ZNF875: variants seen among roughly 807,000 people sequenced by gnomAD.
ZNF875 encodes HKR1, GLI-Kruppel zinc finger family member.
ZNF875 carries 14 observed loss-of-function variants against 11.2 expected under a neutral mutation model. That is an observed-to-expected ratio of 1.26 (90% CI 0.83 to 1.96). The LOEUF is 1.96. ZNF875 is among the 30% of genes most tolerant of loss of function. The pLI is 0.00. For synonymous variants in ZNF875, 301 were observed against 281.1 expected, an observed-to-expected ratio of 1.07 and a Z score of -0.71; for missense variants, 752 against 760.4, an observed-to-expected ratio of 0.99 and a Z score of 0.13.
At chr19:37,325,460 TTAA>T (rs1910880954) in intron 4 of ZNF875, among the ~76,000 whole-genome samples, 1 of 152,232 alleles carries the variant, frequency 6.6e-6, no homozygotes, top group Non-Finnish European at 1.5e-5. Flanking sequence ...ACAGGTGAAA[TTAA>T]TGTTTTATTT....
chr19:37,363,646 C>G lies in ZNF875; in HGVS notation c.1794C>G (p.Ser598Arg). ...GCAGGGAGTGTGGGCAAGGCTTTAG[C>G]CGGCAGTCACACCTCATTAGACACC... Reference protein sequence around the residue: ...HVCRECGQGFSRQSHLIRHQR... With the variant: ...HVCRECGQGFRRQSHLIRHQR... The change falls in exon 5 of 5, where the codon AGC becomes AGG. Residue 598 changes from serine (S) to arginine (R), a missense_variant. Transcript: ENST00000392153. The G allele has an allele frequency of 6.2e-7, 1 of 1,613,436 alleles. No individual in the cohort carries two copies. The highest frequency in any genetic ancestry group is 8.5e-7 in the Non-Finnish European group (1 of 1,179,638).
upstream of ZNF875, chr19:37,334,490 A>C (rs1393702690): frequency 3.1e-6 from 1 of 319,244 alleles, no homozygotes; most frequent in Non-Finnish European, 6.3e-6. Context: ...TGGGTTCGTA[A>C]ACTTGGTTGT....
chr19:37,356,986 T>G (rs2039019598), intron 4 of ZNF875, among the ~76,000 whole-genome samples: 1 of 152,202 alleles, frequency 6.6e-6, no homozygotes, highest in Non-Finnish European at 1.5e-5. Flanking sequence ...TCATCCATCT[T>G]GAGTTGATTT....
rs151159394 is a variant in ZNF875 at position 37,363,670 on chromosome 19, C to G, written c.1818C>G (p.His606Gln). 2 of 1,613,520 alleles carry G rather than the reference C, an allele frequency of 1.2e-6. No individual in the cohort carries two copies. Among genetic ancestry groups the G allele is most frequent in the African/African-American group, 2.7e-5 (2 of 75,048 alleles). Residue 606 changes from histidine to glutamine, a missense_variant, in exon 5 of 5, where the codon CAC becomes CAG. Transcript: ENST00000392153. ...GCCGGCAGTCACACCTCATTAGACACCAGAGGACACATTCAGGAGAGAAGC... is the reference window on the plus strand; with the variant it reads ...GCCGGCAGTCACACCTCATTAGACAGCAGAGGACACATTCAGGAGAGAAGC... ...GFSRQSHLIR[H>Q]QRTHSGEKPY...
chr19:37,338,663 T>G (rs2035029845), intron 2 of ZNF875, among the ~76,000 whole-genome samples: 1 of 152,248 alleles, frequency 6.6e-6, no homozygotes, highest in Admixed American at 6.5e-5. Flanking sequence ...TTGTTTAAGA[T>G]GAAACCTCTG....
rs533688979 is a variant in ZNF875 at position 37,340,463 on chromosome 19, C to T, written c.33+5206C>T. On this transcript the variant is annotated intron_variant, in intron 2 of 4. Transcript: ENST00000392153. ...ACCCACTACATGTTTCTGTAATCCT[C>T]GTTTTCCCCAACATTGCAGTAACAT... is the stretch of plus-strand genomic sequence containing the variant. 4.0e-4 allele frequency among the ~76,000 whole-genome samples: 61 copies of T among 152,182 alleles called. 1 individual carries two copies. The highest frequency in any genetic ancestry group is 1.4e-3 in the African/African-American group (60 of 41,512).
chr19:37,344,881 AG>A, intron 2 of ZNF875: 1 of 753,564 alleles, frequency 1.3e-6, no homozygotes, highest in Non-Finnish European at 2.4e-6. Flanking sequence ...GGGTTGTAAA[AG>A]CAAATCACAA....
intron 4 of ZNF875, among the ~76,000 whole-genome samples, chr19:37,359,998 CT>C (rs1461477964): frequency 6.6e-6 from 1 of 152,132 alleles, no homozygotes; most frequent in Non-Finnish European, 1.5e-5. Flanking sequence ...GAACTTTATT[CT>C]TAACTCAAGG....
intron 4 of ZNF875, among the ~76,000 whole-genome samples, chr19:37,352,646 A>T (rs568532467): frequency 6.6e-6 from 1 of 152,238 alleles, no homozygotes; most frequent in South Asian, 2.1e-4. Context: ...TGAGTCTCTT[A>T]TAGACAGCAT....
At chr19:37,318,335 T>C (rs1310097744) in intron 1 of ZNF875, 4 of 152,140 alleles carry the variant, frequency 2.6e-5, no homozygotes, top group Non-Finnish European at 5.9e-5. Context: ...ATTATGTTTA[T>C]AATAAAGCAC....
intron 4 of ZNF875, among the ~76,000 whole-genome samples, chr19:37,354,642 A>C (rs1181015882): frequency 1.3e-5 from 2 of 152,190 alleles, no homozygotes; most frequent in Non-Finnish European, 2.9e-5. Flanking sequence ...TCCCCACCAC[A>C]ACTCATGGTG....
intron 2 of ZNF875, chr19:37,344,660 CAG>C: frequency 1.2e-6 from 2 of 1,609,430 alleles, no homozygotes; most frequent in Non-Finnish European, 1.7e-6. Flanking sequence ...TGTTTCTACT[CAG>C]TGGGAGAGAT....
chr19:37,338,260 T>C (rs1044237817), intron 2 of ZNF875, among the ~76,000 whole-genome samples: 4 of 152,144 alleles, frequency 2.6e-5, no homozygotes, highest in Non-Finnish European at 4.4e-5. Context: ...GTAGCTGGGA[T>C]TACAGGTGCA....
At chr19:37,351,854 T>A (rs998203431) in intron 4 of ZNF875, among the ~76,000 whole-genome samples, 5 of 152,252 alleles carry the variant, frequency 3.3e-5, no homozygotes, top group African/African-American at 1.2e-4. Flanking sequence ...TTTGTGAACA[T>A]CCTATGAGCT....
chr19:37,333,262 TTTC>T (rs985384591), upstream of ZNF875, among the ~76,000 whole-genome samples: 6 of 131,638 alleles, frequency 4.6e-5, no homozygotes, highest in African/African-American at 1.7e-4. Flanking sequence ...CTACCATATC[TTTC>T]TTAAGTTTTC....
chr19:37,334,605 G>T (rs1388808580), upstream of ZNF875: 3 of 443,058 alleles, frequency 6.8e-6, no homozygotes, highest in Non-Finnish European at 1.4e-5. Flanking sequence ...GGTCACTTCC[G>T]CTCCCCTCCC....
exon 1 of ZNF875, chr19:37,317,984 C>A: frequency 6.4e-6 from 1 of 155,930 alleles, no homozygotes; most frequent in South Asian, 1.8e-4. Flanking sequence ...GCCAAGCGCC[C>A]ACCGGACGTG....
chr19:37,350,236 C>T (rs1000368159), intron 4 of ZNF875, among the ~76,000 whole-genome samples: 2 of 147,886 alleles, frequency 1.4e-5, no homozygotes, highest in Admixed American at 6.7e-5. Context: ...CTCAGCCTCC[C>T]GAGTAGCTGG....
At chr19:37,325,683 C>T (rs779530802) in intron 4 of ZNF875, among the ~76,000 whole-genome samples, 1 of 151,666 alleles carries the variant, frequency 6.6e-6, no homozygotes, top group Non-Finnish European at 1.5e-5. Flanking sequence ...GTAGTTTGGA[C>T]TACAGGCACA....
Sources: allele counts gnomAD v4.1 joint callset (sites outside exome capture counted in the v4.1 genomes callset), GRCh38; gene constraint gnomAD v4.1.1; transcripts MANE v1.5; gene names NCBI Gene and HGNC (gene_info 2026-07-23, HGNC 2026-07-21).